The following STX2 variants were observed in gnomAD, a reference collection of about 807,000 sequenced individuals.
STX2 encodes syntaxin-2.
STX2 carries 27 observed loss-of-function variants against 40.6 expected under a neutral mutation model. The observed-to-expected ratio is 0.66, with a 90% CI of 0.49 to 0.92. STX2 has a LOEUF of 0.92. Ranked by LOEUF, STX2 falls within the 40% of genes least tolerant of loss-of-function variation. STX2 has a pLI of 0.00. For synonymous variants in STX2, 123 were observed against 119.1 expected (o/e 1.03, Z -0.22); for missense variants, 328 against 366.1 (o/e 0.90, Z 0.85).
chr12:130,812,489 G>C (rs1379302015), intron 4 of STX2: 1 of 340,562 alleles, frequency 2.9e-6, no homozygotes, highest in Admixed American at 4.4e-5. Flanking sequence ...GATTGTTTTT[G>C]ATCTTGATGC....
intron 1 of STX2, among the ~76,000 whole-genome samples, chr12:130,828,724 C>T (rs916359586): frequency 9.2e-5 from 14 of 151,426 alleles, no homozygotes; most frequent in African/African-American, 2.9e-4. Context: ...AAAAATTAGC[C>T]GGGCGCAGTA....
At chr12:130,806,283 G>A (rs7300504) in intron 6 of STX2, among the ~76,000 whole-genome samples, 130,531 of 152,148 alleles carry the variant, frequency 0.86, 56,579 homozygotes, top group East Asian at 0.99. Flanking sequence ...GGCTCCGTGG[G>A]GGCCGGCAGA....
At chr12:130,818,185 A>AATATATATATATATATATATATATAT (rs1168152790) in intron 3 of STX2, among the ~76,000 whole-genome samples, 2 of 70,540 alleles carry the variant, frequency 2.8e-5, no homozygotes, top group East Asian at 2.7e-4. Context: ...AAAAAAAAAA[A>AATATATATATATATATATATATATAT]ATATATATAT....
intron 9 of STX2, among the ~76,000 whole-genome samples, chr12:130,797,282 G>C (rs1951059691): frequency 6.6e-6 from 1 of 152,218 alleles, no homozygotes; most frequent in African/African-American, 2.4e-5. Flanking sequence ...AGGACTGCCT[G>C]TTTTTAATGA....
At chr12:130,805,773 C>G (rs1412787828) in intron 6 of STX2, among the ~76,000 whole-genome samples, 1 of 152,148 alleles carries the variant, frequency 6.6e-6, no homozygotes, top group Admixed American at 6.6e-5. Context: ...CAAAAATACT[C>G]AAAATACAGA....
At chr12:130,806,885 A>G in intron 6 of STX2, 97 bp downstream of exon 6, 1 of 1,149,474 alleles carries the variant, frequency 8.7e-7, no homozygotes, top group Non-Finnish European at 1.3e-6. Flanking sequence ...TGGTGAAAAT[A>G]GACATGGATT....
Position 130,815,362 on chromosome 12 carries a change from T to C in STX2, c.206-2331A>G, listed in dbSNP as rs192591757. On this transcript the variant is annotated intron_variant, in intron 3 of 10. Coordinates refer to ENST00000392373, the MANE Select transcript of STX2 (RefSeq NM_194356.4). ...CAAAGAACTGGCCTCCATCCTCCTG[T>C]AGTTCCTGAGCGTGACGACGGGGTG... 1.1e-3 allele frequency among the ~76,000 whole-genome samples: 168 copies of C among 152,276 alleles called. 1 individual carries two copies. Among genetic ancestry groups the C allele is most frequent in the African/African-American group, 3.7e-3 (154 of 41,560 alleles).
chr12:130,832,196 T>G (rs7295315), intron 1 of STX2, among the ~76,000 whole-genome samples: 149,524 of 151,774 alleles, frequency 0.99, 73,682 homozygotes, highest in East Asian at 1. Context: ...TATACATTCA[T>G]ATTTCTCCAC....
At chr12:130,822,814 T>C (rs961477776) in intron 2 of STX2, among the ~76,000 whole-genome samples, 1 of 152,252 alleles carries the variant, frequency 6.6e-6, no homozygotes, top group African/African-American at 2.4e-5. Flanking sequence ...ACCTTGGTGA[T>C]GACCCTGAGC....
intron 10 of STX2, among the ~76,000 whole-genome samples, chr12:130,794,206 T>C (rs1950960314): frequency 6.6e-6 from 1 of 152,188 alleles, no homozygotes; most frequent in Non-Finnish European, 1.5e-5. Flanking sequence ...TGAAAAATAC[T>C]ACTATAACAA....
chr12:130,806,186 C>G (rs1951425830), intron 6 of STX2, among the ~76,000 whole-genome samples: 1 of 152,212 alleles, frequency 6.6e-6, no homozygotes. Context: ...CATATGACAA[C>G]ATTCTCTGAG....
chr12:130,801,174 C>T lies in STX2; in HGVS notation c.654G>A (p.Met218Ile), dbSNP rs1459568794. ...IRELHEMFMD[M>I]AMFVETQGEM... The stretch of plus-strand genomic sequence containing the variant: ...CTACCTGAGTCTCCACAAACATAGC[C>T]ATGTCCATGAACATCTCATGCAACT... Residue 218 changes from methionine (M) to isoleucine (I), a missense_variant, in exon 8 of 11, where the codon ATG becomes ATA. Transcript: ENST00000392373. 10 of 1,613,060 alleles carry T rather than the reference C, an allele frequency of 6.2e-6. No homozygotes were observed. Among genetic ancestry groups the T allele is most frequent in the Non-Finnish European group, 8.5e-6 (10 of 1,179,376 alleles).
At chr12:130,809,251 T>C (rs750365919) in intron 4 of STX2, among the ~76,000 whole-genome samples, 3 of 151,940 alleles carry the variant, frequency 2.0e-5, no homozygotes, top group Non-Finnish European at 4.4e-5. Flanking sequence ...CAGATATATA[T>C]ACACACATAT....
intron 2 of STX2, among the ~76,000 whole-genome samples, chr12:130,824,513 G>A (rs1394724908): frequency 1.3e-5 from 2 of 152,190 alleles, no homozygotes; most frequent in African/African-American, 4.8e-5. Context: ...GCCCCCGTAT[G>A]GCTCCAGAGG....
intron 4 of STX2, chr12:130,812,600 A>C: frequency 4.0e-6 from 1 of 251,760 alleles, no homozygotes; most frequent in South Asian, 4.4e-5. Context: ...TAAGCCTCCC[A>C]AAAAACTACT....
chr12:130,832,462 G>A (rs879929954), intron 1 of STX2, among the ~76,000 whole-genome samples: 33 of 151,982 alleles, frequency 2.2e-4, no homozygotes, highest in Admixed American at 1.7e-3. Flanking sequence ...GGGTTTAAGC[G>A]TCTTCAGCTT....
At chr12:130,804,567 G>A (rs1387038854) in intron 6 of STX2, among the ~76,000 whole-genome samples, 2 of 151,644 alleles carry the variant, frequency 1.3e-5, no homozygotes, top group African/African-American at 2.4e-5. Flanking sequence ...ACTTTCTGAG[G>A]GCAGGCGGCT....
intron 6 of STX2, among the ~76,000 whole-genome samples, chr12:130,805,749 C>A (rs1951407591): frequency 6.6e-6 from 1 of 152,182 alleles, no homozygotes; most frequent in South Asian, 2.1e-4. Context: ...TAAAACAAAG[C>A]CCAAGGAGAT....
chr12:130,792,541 G>A (rs1950908519), intron 10 of STX2, among the ~76,000 whole-genome samples: 1 of 152,182 alleles, frequency 6.6e-6, no homozygotes, highest in Non-Finnish European at 1.5e-5. Flanking sequence ...ATGGCTCACT[G>A]CAAACACATC....
Sources: allele counts gnomAD v4.1 joint callset (sites outside exome capture counted in the v4.1 genomes callset), GRCh38; gene constraint gnomAD v4.1.1; transcripts MANE v1.5; gene names NCBI Gene and HGNC (gene_info 2026-07-23, HGNC 2026-07-21).